The following NDC1 variants were observed in gnomAD, a reference collection of about 807,000 sequenced individuals.
The protein encoded by NDC1 is nucleoporin NDC1.
Under a neutral mutation model 89.8 loss-of-function variants are expected in NDC1, and 24 were observed. The ratio of observed to expected loss-of-function variants is 0.27; its 90% confidence interval spans 0.19 to 0.38. The LOEUF is 0.38. Ranked by LOEUF, NDC1 falls within the 10% of genes least tolerant of loss-of-function variation. The pLI is 1.00. For synonymous variants in NDC1, 296 were observed against 284.8 expected (o/e 1.04, Z -0.39); for missense variants, 728 against 797.6 (o/e 0.91, Z 1.05).
chr1:53,781,598 C>T (rs1569783), intron 16 of NDC1, among the ~76,000 whole-genome samples: 2 of 152,108 alleles, frequency 1.3e-5, no homozygotes, highest in African/African-American at 4.8e-5. Context: ...TGATGTTATT[C>T]ATACTGAAAA....
chr1:53,810,674 G>A (rs1016785677), intron 6 of NDC1, among the ~76,000 whole-genome samples: 3 of 152,184 alleles, frequency 2.0e-5, no homozygotes, highest in Non-Finnish European at 4.4e-5. Context: ...GGAGGCCAAG[G>A]TGGGAGGATC....
chr1:53,778,579 CCT>C (rs1217249752), intron 16 of NDC1, among the ~76,000 whole-genome samples: 1 of 150,812 alleles, frequency 6.6e-6, no homozygotes, highest in East Asian at 2.0e-4. Flanking sequence ...AAAGTGAGAC[CCT>C]GTCTCTTTAT....
intron 16 of NDC1, among the ~76,000 whole-genome samples, chr1:53,775,242 CA>C (rs1421068438): frequency 3.9e-5 from 6 of 151,996 alleles, no homozygotes; most frequent in Non-Finnish European, 8.8e-5. Flanking sequence ...ACCTTAATTG[CA>C]AAACATTTTC....
intron 17 of NDC1, among the ~76,000 whole-genome samples, chr1:53,768,919 C>T (rs1647089021): frequency 6.6e-6 from 1 of 152,306 alleles, no homozygotes; most frequent in African/African-American, 2.4e-5. Flanking sequence ...AAATCTGTGG[C>T]TTTCCCATTA....
intron 1 of NDC1, among the ~76,000 whole-genome samples, chr1:53,837,487 T>C (rs1277187394): frequency 6.6e-6 from 1 of 152,122 alleles, no homozygotes; most frequent in Non-Finnish European, 1.5e-5. Flanking sequence ...GCAGAACTCC[T>C]TGAACCCTGG....
intron 14 of NDC1, among the ~76,000 whole-genome samples, chr1:53,789,799 CAAA>C (rs35994081): frequency 1.8e-5 from 2 of 108,982 alleles, no homozygotes. Flanking sequence ...AACTCCATCT[CAAA>C]AAAAAAAAAA....
In NDC1 at chr1:53,835,628, CA is replaced by C. The variant is rs1376697155; in HGVS notation, c.58-9del. 1 of 1,595,932 alleles carries C rather than the reference CA, an allele frequency of 6.3e-7. No homozygotes were observed. The highest frequency in any genetic ancestry group is 2.2e-5 in the East Asian group (1 of 44,728). On this transcript the variant is annotated splice_polypyrimidine_tract_variant and intron_variant, in intron 1 of 17. Coordinates refer to ENST00000371429, the MANE Select transcript of NDC1 (RefSeq NM_018087.5). ...TATCCTCCAGCCCAAAACCTATAAA[CA>C]AAAAGAAAAACCCTCACTCATGAAG... is the stretch of plus-strand genomic sequence containing the variant.
At chr1:53,795,316 A>C (rs1194097206) in intron 13 of NDC1, among the ~76,000 whole-genome samples, 1 of 152,112 alleles carries the variant, frequency 6.6e-6, no homozygotes, top group African/African-American at 2.4e-5. Flanking sequence ...CATGCTTTGA[A>C]TACTATCTAT....
chr1:53,810,424 CA>C (rs112086501), intron 6 of NDC1, among the ~76,000 whole-genome samples: 5,100 of 107,684 alleles, frequency 0.047, 94 homozygotes, highest in Middle Eastern at 0.06. Context: ...AAGAAACTGG[CA>C]AAAAAAAAAA....
rs1182694139 is a variant in NDC1, at chr1:53,785,654, C to A, written c.1800+1504G>T. On this transcript the variant is annotated intron_variant, in intron 16 of 17. Transcript: ENST00000371429. ...ATGGCATAATCTTGGCTCACTGCAACCTCTACCTCCCGGGTTCAAGCGGTT... is the reference window on the plus strand; with the variant it reads ...ATGGCATAATCTTGGCTCACTGCAAACTCTACCTCCCGGGTTCAAGCGGTT... Among the ~76,000 whole-genome samples the A allele has an allele frequency of 2.0e-5, 3 of 151,652 alleles. No homozygotes were observed. The East Asian group carries it at 5.8e-4, about 29-fold the overall frequency.
intron 9 of NDC1, among the ~76,000 whole-genome samples, chr1:53,804,949 A>AT (rs1247389826): frequency 6.6e-6 from 1 of 152,086 alleles, no homozygotes; most frequent in African/African-American, 2.4e-5. Context: ...GGGCGTCTGT[A>AT]TTTTCTACTA....
chr1:53,817,010 C>A (rs1006097380), intron 6 of NDC1, among the ~76,000 whole-genome samples: 1 of 152,112 alleles, frequency 6.6e-6, no homozygotes, highest in Non-Finnish European at 1.5e-5. Context: ...GGCGTGGATG[C>A]GGTCAACAAG....
In NDC1 at chr1:53,819,095, A is replaced by C; in HGVS notation, c.595-16T>G. The C allele has an allele frequency of 7.9e-7, 1 of 1,272,352 alleles. No homozygotes were observed. The highest frequency in any genetic ancestry group is 1.5e-5 in the African/African-American group (1 of 66,990). 78.8% of individuals were successfully genotyped at this position (1,272,352 alleles called of 1,614,324 possible). Reference sequence around the variant, plus strand: ...ACTTGTATTGCTGTGGGGAAAAAAAAAAGAATCAAATGACACATTCAAATC... The same window carrying C: ...ACTTGTATTGCTGTGGGGAAAAAAACAAGAATCAAATGACACATTCAAATC... On this transcript the variant is annotated splice_polypyrimidine_tract_variant and intron_variant, in intron 5 of 17. Transcript: ENST00000371429.
In NDC1 at chr1:53,827,995, T is replaced by C; in HGVS notation, c.455+4A>G. 6.3e-7 allele frequency: 1 copy of C among 1,591,926 alleles called. No homozygotes were observed. Among genetic ancestry groups the C allele is most frequent in the South Asian group, 1.2e-5 (1 of 85,966 alleles). ...TTCCTAAGGAAATATATATTTAATA[T>C]TACCTGTTAGTACCAGTGCAGGGAA... On this transcript the variant is annotated splice_donor_region_variant and intron_variant, in intron 4 of 17. Transcript: ENST00000371429.
intron 17 of NDC1, among the ~76,000 whole-genome samples, chr1:53,770,189 A>G (rs1042031667): frequency 3.9e-5 from 6 of 152,268 alleles, no homozygotes; most frequent in African/African-American, 1.4e-4. Context: ...TTTTTATTTT[A>G]TTTATGTATT....
In NDC1 at chr1:53,772,370, A is replaced by G. The variant is rs775976915; in HGVS notation, c.1920T>C (p.Thr640=). 1 of 1,613,934 alleles carries G rather than the reference A, an allele frequency of 6.2e-7. No homozygotes were observed. The highest frequency in any genetic ancestry group is 1.7e-5 in the Admixed American group (1 of 60,010). The change falls in exon 17 of 18, where the codon ACT becomes ACC. Residue 640 remains threonine, a synonymous_variant. Transcript: ENST00000371429. ...LRFAFRASLK[T]AIYRITTTFG... ...ATGTAGTAGTTATTCGATAGATGGC[A>G]GTTTTCAGTGATGCTCTGAATGCAA...
chr1:53,775,977 C>T (rs1355263887), intron 16 of NDC1, among the ~76,000 whole-genome samples: 5 of 141,532 alleles, frequency 3.5e-5, no homozygotes, highest in African/African-American at 5.3e-5. Context: ...TTTTTTGAGA[C>T]GGAGTCTCAC....
intron 16 of NDC1, among the ~76,000 whole-genome samples, chr1:53,780,811 A>T (rs983399345): frequency 3.1e-4 from 47 of 152,200 alleles, no homozygotes; most frequent in Admixed American, 2.8e-3. Context: ...AAATTAGATT[A>T]AAAAGGTTAA....
chr1:53,821,898 G>A (rs1249757694), intron 5 of NDC1, among the ~76,000 whole-genome samples: 1 of 152,184 alleles, frequency 6.6e-6, no homozygotes, highest in Admixed American at 6.5e-5. Context: ...TTGTCTTGAT[G>A]TCCATTTCTT....
Sources: allele counts gnomAD v4.1 joint callset (sites outside exome capture counted in the v4.1 genomes callset), GRCh38; gene constraint gnomAD v4.1.1; transcripts MANE v1.5; gene names NCBI Gene and HGNC (gene_info 2026-07-23, HGNC 2026-07-21).